ATP6V0A4: variants seen among roughly 807,000 people sequenced by gnomAD.
The protein encoded by ATP6V0A4 is ATPase H+ transporting V0 subunit a4, also known as V-type proton ATPase 116 kDa subunit a 4.
A neutral mutation model predicts 107.3 loss-of-function variants in ATP6V0A4; 86 were observed. The observed-to-expected ratio is 0.80, with a 90% CI of 0.67 to 0.96. The LOEUF is 0.96. Ranked by LOEUF, ATP6V0A4 falls within the 40% of genes least tolerant of loss-of-function variation. The pLI is 0.00. For missense variants in ATP6V0A4, 908 were observed against 1,045.6 expected, an observed-to-expected ratio of 0.87 and a Z score of 1.81; for synonymous variants, 353 against 381.4, an observed-to-expected ratio of 0.93 and a Z score of 0.87.
At chr7:138,712,574 C>A (rs532786815) in intron 20 of ATP6V0A4, among the ~76,000 whole-genome samples, 117 of 152,234 alleles carry the variant, frequency 7.7e-4, no homozygotes, top group African/African-American at 2.7e-3. Flanking sequence ...AGAAAAGGAA[C>A]CAGAATTTAA....
chr7:138,716,202 C>A (rs1312639444), intron 19 of ATP6V0A4, among the ~76,000 whole-genome samples: 1 of 152,118 alleles, frequency 6.6e-6, no homozygotes, highest in Non-Finnish European at 1.5e-5. Context: ...TCCTGAGGAG[C>A]AAAAGGATCC....
intron 5 of ATP6V0A4, among the ~76,000 whole-genome samples, chr7:138,763,700 G>A (rs1035695210): frequency 6.6e-6 from 1 of 151,516 alleles, no homozygotes; most frequent in Non-Finnish European, 1.5e-5. Flanking sequence ...AATAGAAAAT[G>A]ATGGGCCAGG....
chr7:138,775,776 A>G (rs1008999036), intron 2 of ATP6V0A4, among the ~76,000 whole-genome samples: 14 of 148,756 alleles, frequency 9.4e-5, no homozygotes, highest in Admixed American at 2.1e-4. Context: ...TCAGCCTCCC[A>G]AGTAGCTGGG....
chr7:138,750,597 A>T (rs1452481196), intron 11 of ATP6V0A4, among the ~76,000 whole-genome samples: 1 of 152,134 alleles, frequency 6.6e-6, no homozygotes. Context: ...ATGCACACCC[A>T]CTGGGATCTG....
At chr7:138,735,147 G>C (rs1469646872) in intron 15 of ATP6V0A4, among the ~76,000 whole-genome samples, 1 of 152,136 alleles carries the variant, frequency 6.6e-6, no homozygotes, top group African/African-American at 2.4e-5. Flanking sequence ...TGGTCGTGCA[G>C]GGGGCTGGTG....
intron 10 of ATP6V0A4, among the ~76,000 whole-genome samples, chr7:138,754,413 A>G (rs1268236657): frequency 6.8e-6 from 1 of 146,030 alleles, no homozygotes; most frequent in African/African-American, 2.5e-5. Context: ...GCGCCACTGC[A>G]CTCCAGCCTG....
At chr7:138,722,403 G>A (rs893784016) in intron 18 of ATP6V0A4, among the ~76,000 whole-genome samples, 9 of 151,900 alleles carry the variant, frequency 5.9e-5, no homozygotes, top group African/African-American at 1.7e-4. Context: ...GGTGACTCAC[G>A]CCTGTAATCC....
At chr7:138,752,075 T>C (rs1806257420) in intron 11 of ATP6V0A4, among the ~76,000 whole-genome samples, 1 of 152,062 alleles carries the variant, frequency 6.6e-6, no homozygotes, top group African/African-American at 2.4e-5. Context: ...ACTGGCACAT[T>C]AATGCTCAGT....
intron 1 of ATP6V0A4, among the ~76,000 whole-genome samples, chr7:138,796,950 C>G (rs745607743): frequency 2.0e-5 from 3 of 152,164 alleles, no homozygotes; most frequent in Non-Finnish European, 4.4e-5. Context: ...TCTACAGAAC[C>G]TTCCCCTTTG....
At chr7:138,736,653 C>T (rs1190210987) in intron 15 of ATP6V0A4, among the ~76,000 whole-genome samples, 2 of 152,052 alleles carry the variant, frequency 1.3e-5, no homozygotes, top group East Asian at 3.9e-4. Flanking sequence ...CTCACTACAA[C>T]CTCTGCCTCC....
chr7:138,770,220 G>T (rs1807310010), intron 3 of ATP6V0A4, among the ~76,000 whole-genome samples: 1 of 151,492 alleles, frequency 6.6e-6, no homozygotes, highest in Non-Finnish European at 1.5e-5. Context: ...AAAAAGAAAG[G>T]AAAAGAAAAG....
intron 8 of ATP6V0A4, 59 bp downstream of exon 8, chr7:138,759,693 G>A (rs570442929): frequency 1.3e-5 from 21 of 1,577,302 alleles, no homozygotes; most frequent in African/African-American, 2.7e-5. Flanking sequence ...AGAACGAAGC[G>A]CTTCTGCTGA....
At position 138,741,870 on chromosome 7, in the gene ATP6V0A4, C is replaced by T. The variant is rs943917572; in HGVS notation, c.1479-2237G>A. On this transcript the variant is annotated intron_variant, in intron 14 of 21. Transcript: ENST00000310018. Reference sequence around the variant, plus strand: ...TCAGCTCACTGTGTACTTCAGCTGTCGTTTTCTTCTGCCACAGTGATAATG... The same window carrying T: ...TCAGCTCACTGTGTACTTCAGCTGTTGTTTTCTTCTGCCACAGTGATAATG... 2.6e-5 allele frequency among the ~76,000 whole-genome samples: 4 copies of T among 152,184 alleles called. 1 individual carries two copies. Among genetic ancestry groups the T allele is most frequent in the South Asian group, 4.1e-4 (2 of 4,828 alleles).
chr7:138,721,872 C>T (rs769673312), intron 19 of ATP6V0A4, 25 bp downstream of exon 19: 1 of 1,613,696 alleles, frequency 6.2e-7, no homozygotes. Context: ...GGGGAGTCTT[C>T]CTCAGGGGCT....
At chr7:138,762,215 C>T in intron 7 of ATP6V0A4, 125 bp downstream of exon 7, 1 of 1,264,718 alleles carries the variant, frequency 7.9e-7, no homozygotes, top group South Asian at 1.2e-5. Context: ...TATCGCTTGG[C>T]AGAGGCTTTG....
intron 19 of ATP6V0A4, among the ~76,000 whole-genome samples, chr7:138,718,368 A>C (rs1390309938): frequency 1.6e-4 from 5 of 32,136 alleles, no homozygotes; most frequent in East Asian, 2.3e-3. Flanking sequence ...GAAGGGGGGA[A>C]TGCAGTCACG....
intron 20 of ATP6V0A4, 159 bp from the exon 21 acceptor site, chr7:138,709,954 T>A (rs1298195211): frequency 2.2e-6 from 1 of 460,622 alleles, no homozygotes; most frequent in African/African-American, 2.1e-5. Context: ...CCTGAAGCAA[T>A]CCTCCTGTCT....
intron 2 of ATP6V0A4, among the ~76,000 whole-genome samples, chr7:138,780,984 T>A (rs1301796002): frequency 6.6e-6 from 1 of 152,228 alleles, no homozygotes; most frequent in Non-Finnish European, 1.5e-5. Context: ...TCTGATTTAT[T>A]TCCCACCCTC....
chr7:138,753,060 C>T (rs139315008), intron 10 of ATP6V0A4, among the ~76,000 whole-genome samples: 28 of 152,324 alleles, frequency 1.8e-4, no homozygotes, highest in African/African-American at 6.5e-4. Flanking sequence ...TTCTAAATTC[C>T]TCATTGTCCT....
Sources: allele counts gnomAD v4.1 joint callset (sites outside exome capture counted in the v4.1 genomes callset), GRCh38; gene constraint gnomAD v4.1.1; transcripts MANE v1.5; gene names NCBI Gene and HGNC (gene_info 2026-07-23, HGNC 2026-07-21).